The following PIP5K1B variants were observed in gnomAD, a reference collection of about 807,000 sequenced individuals.
PIP5K1B encodes the protein phosphatidylinositol 4-phosphate 5-kinase type-1 beta.
A neutral mutation model predicts 67.0 loss-of-function variants in PIP5K1B; 42 were observed. That is an observed-to-expected ratio of 0.63 (90% confidence interval 0.49 to 0.81). The LOEUF is 0.81. Among genes scored for constraint, PIP5K1B ranks in the 30% least tolerant of loss-of-function variants. PIP5K1B has a pLI of 0.00. For missense variants in PIP5K1B, 459 were observed against 646.3 expected, an observed-to-expected ratio of 0.71 and a Z score of 3.14; for synonymous variants, 214 against 231.4, an observed-to-expected ratio of 0.92 and a Z score of 0.68.
At chr9:68,905,429 T>C (rs1454231205) in intron 8 of PIP5K1B, among the ~76,000 whole-genome samples, 1 of 144,528 alleles carries the variant, frequency 6.9e-6, no homozygotes, top group African/African-American at 2.8e-5. Context: ...CAACAGCCAA[T>C]CCAAAAGAGA....
intron 15 of PIP5K1B, among the ~76,000 whole-genome samples, chr9:68,994,814 T>C (rs1332419615): frequency 6.6e-6 from 1 of 152,126 alleles, no homozygotes; most frequent in East Asian, 1.9e-4. Context: ...TCCCTTGAAT[T>C]CAGTGATCTC....
intron 1 of PIP5K1B, among the ~76,000 whole-genome samples, chr9:68,724,322 T>C (rs1441317661): frequency 1.3e-5 from 2 of 151,946 alleles, no homozygotes; most frequent in Non-Finnish European, 2.9e-5. Flanking sequence ...GATTAGGTAG[T>C]GTGATGCCTT....
At position 68,751,011 on chromosome 9, in the gene PIP5K1B, TGTGGCTTTG is replaced by T. The variant is rs1829602644; in HGVS notation, c.-86+8357_-86+8365del. ...GGGAGTGCCTTTCAAAGTTAAGCCA[TGTGGCTTTG>T]GTTTATCCCAGCTGCTGTGGGAATT... On this transcript the variant is annotated intron_variant, in intron 2 of 15. Coordinates refer to ENST00000265382, the MANE Select transcript of PIP5K1B (RefSeq NM_003558.4). Among the ~76,000 whole-genome samples the T allele has an allele frequency of 3.9e-5, 6 of 152,316 alleles. No homozygotes were observed. The South Asian group carries it at 1.2e-3, about 32-fold the overall frequency.
chr9:68,832,192 C>T (rs959444154), intron 4 of PIP5K1B, among the ~76,000 whole-genome samples: 1 of 152,182 alleles, frequency 6.6e-6, no homozygotes, highest in Non-Finnish European at 1.5e-5. Context: ...GTGATCATTT[C>T]AAAAATTATC....
At chr9:68,782,326 T>C (rs1018190258) in intron 2 of PIP5K1B, 1 of 167,124 alleles carries the variant, frequency 6.0e-6, no homozygotes, top group South Asian at 2.1e-4. Context: ...AAATCATTAT[T>C]TAACTTAGGT....
intron 2 of PIP5K1B, among the ~76,000 whole-genome samples, chr9:68,770,941 C>A (rs1238346062): frequency 6.6e-6 from 1 of 152,136 alleles, no homozygotes; most frequent in Non-Finnish European, 1.5e-5. Flanking sequence ...GAAATGTCAG[C>A]CCTATCTAGA....
At chr9:68,777,733 A>G (rs372639357) in intron 2 of PIP5K1B, among the ~76,000 whole-genome samples, 1 of 152,366 alleles carries the variant, frequency 6.6e-6, no homozygotes, top group East Asian at 1.9e-4. Flanking sequence ...GTTTATCCAG[A>G]CATGGACGAA....
intron 12 of PIP5K1B, among the ~76,000 whole-genome samples, chr9:68,924,219 T>C (rs937573492): frequency 6.7e-6 from 1 of 150,280 alleles, no homozygotes; most frequent in African/African-American, 2.5e-5. Flanking sequence ...TTGGCCAATA[T>C]GGTGAAACCC....
intron 14 of PIP5K1B, among the ~76,000 whole-genome samples, chr9:68,977,783 T>C (rs1829702092): frequency 6.6e-6 from 1 of 151,116 alleles, no homozygotes; most frequent in South Asian, 2.1e-4. Flanking sequence ...GCCTCCCGAG[T>C]AGCTGGGATT....
chr9:68,913,746 C>G (rs1587657472), intron 8 of PIP5K1B, among the ~76,000 whole-genome samples: 1 of 152,020 alleles, frequency 6.6e-6, no homozygotes, highest in Non-Finnish European at 1.5e-5. Context: ...CTTGGCCTCA[C>G]GAGGACAACT....
chr9:69,006,312 C>G lies in PIP5K1B; in HGVS notation c.1621-2135C>G, dbSNP rs370211631. Among the ~76,000 whole-genome samples the G allele has an allele frequency of 1.5e-3, 230 of 152,240 alleles. 1 individual carries two copies. The South Asian group carries it at 0.027, about 18-fold the overall frequency. On this transcript the variant is annotated intron_variant, in intron 15 of 15. Transcript: ENST00000265382. ...CAGATGGCATGCTGGGCCCTTGTAT[C>G]TAGGGAGGGCTTGCGTCATGTACAC...
intron 1 of PIP5K1B, among the ~76,000 whole-genome samples, chr9:68,712,828 A>G (rs1190202384): frequency 6.6e-6 from 1 of 152,264 alleles, no homozygotes; most frequent in Non-Finnish European, 1.5e-5. Flanking sequence ...AACAAAGAAG[A>G]GGAAATTATC....
chr9:68,979,787 G>T (rs1355053704), intron 14 of PIP5K1B, among the ~76,000 whole-genome samples: 1 of 152,204 alleles, frequency 6.6e-6, no homozygotes, highest in South Asian at 2.1e-4. Context: ...GGGAGCCATC[G>T]GTTGATACCA....
At chr9:68,930,356 C>T (rs1826931933) in intron 12 of PIP5K1B, among the ~76,000 whole-genome samples, 1 of 152,074 alleles carries the variant, frequency 6.6e-6, no homozygotes, top group Non-Finnish European at 1.5e-5. Context: ...AGCCACTTAC[C>T]ACCCCAGAGT....
chr9:68,933,721 C>G (rs1430991614), intron 12 of PIP5K1B, among the ~76,000 whole-genome samples: 1 of 152,136 alleles, frequency 6.6e-6, no homozygotes, highest in Non-Finnish European at 1.5e-5. Context: ...GACTCTAAAG[C>G]CCTCCACAAA....
In PIP5K1B at chr9:68,941,096, G is replaced by C. The variant is rs985897147; in HGVS notation, c.1502+306G>C. 6.1e-6 allele frequency: 3 copies of C among 492,932 alleles called. No individual in the cohort carries two copies. In the Admixed American group the frequency reaches 6.8e-5, roughly 11 times the overall value. 30.5% of individuals were successfully genotyped at this position (492,932 alleles called of 1,614,324 possible). On this transcript the variant is annotated intron_variant, in intron 14 of 15. Transcript: ENST00000265382. ...AATTTTTTAGGAATGGGTTTCTTCA[G>C]AGTGAGCACTCTTAGTTAATATTAC... is the stretch of plus-strand genomic sequence containing the variant.
At position 68,856,652 on chromosome 9, in the gene PIP5K1B, G is replaced by A. The variant is rs1034532592; in HGVS notation, c.70-7185G>A. 1.8e-4 allele frequency among the ~76,000 whole-genome samples: 28 copies of A among 152,300 alleles called. No homozygotes were observed. The South Asian group carries it at 2.5e-3, about 14-fold the overall frequency. On this transcript the variant is annotated intron_variant, in intron 4 of 15. Transcript: ENST00000265382. ...AAACTCCCATGAGAGCAAGAACCACGTCTCTTTTTCGGCTTATGCTTCGCA... is the reference window on the plus strand; with the variant it reads ...AAACTCCCATGAGAGCAAGAACCACATCTCTTTTTCGGCTTATGCTTCGCA...
intron 15 of PIP5K1B, among the ~76,000 whole-genome samples, chr9:69,003,120 T>C (rs1224442012): frequency 6.6e-6 from 1 of 152,066 alleles, no homozygotes; most frequent in Middle Eastern, 3.2e-3. Context: ...TGTGGTGATG[T>C]GTGAGTTTTG....
intron 4 of PIP5K1B, among the ~76,000 whole-genome samples, chr9:68,845,733 G>A (rs564105128): frequency 6.6e-6 from 1 of 152,112 alleles, no homozygotes; most frequent in East Asian, 1.9e-4. Flanking sequence ...GTGTAGGGGG[G>A]AAAATAGCAT....
Sources: gnomAD v4.1 joint callset for allele counts (sites outside exome capture counted in the v4.1 genomes callset) on GRCh38, gnomAD v4.1.1 for gene constraint, MANE v1.5 for transcripts, NCBI Gene and HGNC (gene_info 2026-07-23, HGNC 2026-07-21) for gene names.